Variants in GALNT14 observed in about 807,000 individuals in gnomAD.
GALNT14 encodes polypeptide N-acetylgalactosaminyltransferase 14.
A neutral mutation model predicts 77.5 loss-of-function variants in GALNT14; 60 were observed. That is an observed-to-expected ratio of 0.77 (90% CI 0.63 to 0.96). The LOEUF (loss-of-function observed/expected upper bound fraction) is 0.96. Among genes scored for constraint, GALNT14 ranks in the 40% least tolerant of loss-of-function variants. The probability of loss-of-function intolerance (pLI) is 0.00; values close to 1 mark genes in which losing one functional copy is unlikely to be tolerated. For missense variants in GALNT14, 710 were observed against 731.0 expected (o/e 0.97, Z 0.33); for synonymous variants, 280 against 281.7 (o/e 0.99, Z 0.06).
intron 1 of GALNT14, among the ~76,000 whole-genome samples, chr2:31,057,293 T>TTA (rs10638502): frequency 0.11 from 14,537 of 128,702 alleles, 931 homozygotes; most frequent in African/African-American, 0.18. Flanking sequence ...AAAGTTGAAA[T>TTA]TATATATATA....
At chr2:30,924,053 C>T (rs1665197942) in intron 13 of GALNT14, 66 bp downstream of exon 13, 5 of 1,574,852 alleles carry the variant, frequency 3.2e-6, no homozygotes, top group Non-Finnish European at 4.4e-6. Flanking sequence ...GTGATGGAGG[C>T]AGAGTCATCT....
At chr2:30,980,382 G>A (rs536684842) in intron 2 of GALNT14, among the ~76,000 whole-genome samples, 5 of 152,228 alleles carry the variant, frequency 3.3e-5, no homozygotes, top group Non-Finnish European at 5.9e-5. Context: ...CTGGGTGACT[G>A]CAGCAGGCCC....
chr2:31,065,903 C>T, intron 1 of GALNT14, among the ~76,000 whole-genome samples: 1 of 152,126 alleles, frequency 6.6e-6, no homozygotes, highest in Non-Finnish European at 1.5e-5. Context: ...CCCCAGAGAC[C>T]ATCCAAAAAC....
intron 13 of GALNT14, among the ~76,000 whole-genome samples, chr2:30,914,289 C>T (rs1664540439): frequency 6.6e-6 from 1 of 152,216 alleles, no homozygotes; most frequent in African/African-American, 2.4e-5. Flanking sequence ...CAGCTCTGCT[C>T]TTGTTGATGC....
chr2:31,019,854 T>C (rs1224819065), intron 1 of GALNT14, among the ~76,000 whole-genome samples: 2 of 152,202 alleles, frequency 1.3e-5, no homozygotes, highest in Admixed American at 6.5e-5. Context: ...AGTGAAAGGA[T>C]ACTGTAAAAG....
chr2:31,013,029 G>A (rs1346405638), intron 1 of GALNT14, among the ~76,000 whole-genome samples: 1 of 152,180 alleles, frequency 6.6e-6, no homozygotes, highest in Non-Finnish European at 1.5e-5. Flanking sequence ...AGCAGTGCAG[G>A]CACAGCAGGA....
At chr2:31,094,107 C>A (rs1397446177) in intron 1 of GALNT14, among the ~76,000 whole-genome samples, 1 of 152,256 alleles carries the variant, frequency 6.6e-6, no homozygotes, top group African/African-American at 2.4e-5. Flanking sequence ...ATAGCCTTAA[C>A]TGATGACATT....
chr2:31,092,642 G>A lies in GALNT14; in HGVS notation c.129+45316C>T, dbSNP rs143102665. Reference sequence around the variant, plus strand: ...GGCTCCCTCTCCATGGCTTCAAAAAGTCAACCTGGGACTGGAGACCCATTT... The same window carrying A: ...GGCTCCCTCTCCATGGCTTCAAAAAATCAACCTGGGACTGGAGACCCATTT... On this transcript the variant is annotated intron_variant, in intron 1 of 14. Coordinates refer to ENST00000349752, the MANE Select transcript of GALNT14 (RefSeq NM_024572.4). Among the ~76,000 whole-genome samples, 958 of 152,210 alleles carry A rather than the reference G, an allele frequency of 6.3e-3. 6 individuals are homozygous for A. Among genetic ancestry groups the A allele is most frequent in the Middle Eastern group, 0.027 (8 of 294 alleles).
At chr2:31,030,607 A>C (rs1372999751) in intron 1 of GALNT14, among the ~76,000 whole-genome samples, 1 of 152,184 alleles carries the variant, frequency 6.6e-6, no homozygotes, top group Admixed American at 6.5e-5. Flanking sequence ...GCAAAACCTC[A>C]AACCCTCATG....
At chr2:31,123,739 T>C (rs1029983947) in intron 1 of GALNT14, among the ~76,000 whole-genome samples, 1 of 152,172 alleles carries the variant, frequency 6.6e-6, no homozygotes, top group African/African-American at 2.4e-5. Flanking sequence ...GGACAGGAAA[T>C]TCAACCATGC....
intron 1 of GALNT14, among the ~76,000 whole-genome samples, chr2:31,127,183 C>T (rs1678744974): frequency 6.6e-6 from 1 of 152,168 alleles, no homozygotes; most frequent in Admixed American, 6.5e-5. Flanking sequence ...TGTCCTGTCC[C>T]CATCCAGTCA....
At chr2:30,892,138 T>C in the GALNT14 span, among the ~76,000 whole-genome samples, 1 of 152,226 alleles carries the variant, frequency 6.6e-6, no homozygotes, top group Non-Finnish European at 1.5e-5. Flanking sequence ...TTTTAGTGTC[T>C]TGTTCTTAGA....
chr2:31,115,073 C>A (rs1383103636), intron 1 of GALNT14, among the ~76,000 whole-genome samples: 1 of 151,814 alleles, frequency 6.6e-6, no homozygotes, highest in Non-Finnish European at 1.5e-5. Context: ...CTAGCAAGAC[C>A]CCATCTCTAC....
At chr2:31,005,590 A>C (rs1036422498) in intron 1 of GALNT14, among the ~76,000 whole-genome samples, 3 of 152,174 alleles carry the variant, frequency 2.0e-5, no homozygotes, top group Non-Finnish European at 4.4e-5. Context: ...ACTGAATGCT[A>C]ATGGAGGGAA....
chr2:30,923,220 G>A (rs915026574), intron 13 of GALNT14, among the ~76,000 whole-genome samples: 2 of 151,256 alleles, frequency 1.3e-5, no homozygotes, highest in African/African-American at 4.9e-5. Flanking sequence ...ATGCCACCCT[G>A]CCCGGCTAAT....
At chr2:30,901,369 A>G in the GALNT14 span, among the ~76,000 whole-genome samples, 6 of 151,896 alleles carry the variant, frequency 4.0e-5, no homozygotes, top group Non-Finnish European at 8.8e-5. Flanking sequence ...CTCCCCATTC[A>G]CTCAACACCA....
At chr2:31,056,350 G>C (rs1277685860) in intron 1 of GALNT14, among the ~76,000 whole-genome samples, 1 of 152,324 alleles carries the variant, frequency 6.6e-6, no homozygotes, top group East Asian at 1.9e-4. Flanking sequence ...TGCCTCAGAA[G>C]TGTGGTCATG....
chr2:31,138,083 G>C lies in GALNT14; in HGVS notation c.4C>G (p.Arg2Gly), dbSNP rs766213212. The change falls in exon 1 of 15, where the codon CGG becomes GGG. Residue 2 changes from arginine to glycine, a missense_variant. Coordinates refer to ENST00000349752, the MANE Select transcript of GALNT14 (RefSeq NM_024572.4). Reference protein sequence around the residue: MRRLTRRLVLPV... With the variant: MGRLTRRLVLPV... ...AGAACCAGCCGACGAGTCAGGCGCC[G>C]CATGGTCCCCTTTGCCGCTTCCTCT... The C allele has an allele frequency of 1.2e-6, 2 of 1,613,660 alleles. No homozygotes were observed. Among genetic ancestry groups the C allele is most frequent in the South Asian group, 2.2e-5 (2 of 91,084 alleles).
At chr2:31,031,201 G>T (rs544852583) in intron 1 of GALNT14, among the ~76,000 whole-genome samples, 1 of 152,198 alleles carries the variant, frequency 6.6e-6, no homozygotes, top group South Asian at 2.1e-4. Flanking sequence ...TCACTTAAGG[G>T]GTGAACCTCT....
Sources: gnomAD v4.1 joint callset for allele counts (sites outside exome capture counted in the v4.1 genomes callset) on GRCh38, gnomAD v4.1.1 for gene constraint, MANE v1.5 for transcripts, NCBI Gene and HGNC (gene_info 2026-07-23, HGNC 2026-07-21) for gene names.